Variants in NTM observed in about 807,000 individuals in gnomAD.
NTM encodes IgLON family member 2.
A neutral mutation model predicts 42.1 loss-of-function variants in NTM; 13 were observed. The ratio of observed to expected loss-of-function variants is 0.31; its 90% CI spans 0.20 to 0.49. NTM has a LOEUF of 0.49. Among genes scored for constraint, NTM ranks in the 20% least tolerant of loss-of-function variants. The pLI, the probability that NTM is intolerant of heterozygous loss-of-function variation, is 0.99. For missense variants in NTM, 373 were observed against 452.8 expected (o/e 0.82, Z 1.60); for synonymous variants, 187 against 179.2 (o/e 1.04, Z -0.35).
intron 1 of NTM, among the ~76,000 whole-genome samples, chr11:131,379,498 G>A (rs1942387871): frequency 6.6e-6 from 1 of 152,180 alleles, no homozygotes; most frequent in Non-Finnish European, 1.5e-5. Flanking sequence ...CCTCTTTCTG[G>A]TTTGAGGTCT....
chr11:132,236,842 A>C (rs895902881), intron 4 of NTM, among the ~76,000 whole-genome samples: 1 of 152,184 alleles, frequency 6.6e-6, no homozygotes, highest in Non-Finnish European at 1.5e-5. Flanking sequence ...GTGAGGTGGA[A>C]GGAAGGCTGT....
In NTM at chr11:131,528,690, C is replaced by A. The variant is rs148211576; in HGVS notation, c.82+157802C>A. ...GCTCATTCTTTTTATCTACCGCCTC[C>A]CACAGATCCCAGTACAGAGTAAGTA... is the stretch of plus-strand genomic sequence containing the variant. On this transcript the variant is annotated intron_variant, in intron 1 of 8. Transcript: ENST00000683400. 1.0e-3 allele frequency among the ~76,000 whole-genome samples: 155 copies of A among 152,276 alleles called. 1 individual carries two copies. The highest frequency in any genetic ancestry group is 3.4e-3 in the African/African-American group (142 of 41,560).
At chr11:132,061,667 G>A (rs1211682310) in intron 2 of NTM, among the ~76,000 whole-genome samples, 4 of 152,154 alleles carry the variant, frequency 2.6e-5, no homozygotes, top group African/African-American at 7.2e-5. Context: ...GATAACTCAT[G>A]AGTGGGAAAA....
At chr11:131,434,123 G>T (rs905368702) in intron 1 of NTM, among the ~76,000 whole-genome samples, 4 of 152,186 alleles carry the variant, frequency 2.6e-5, no homozygotes, top group Non-Finnish European at 1.5e-5. Flanking sequence ...CAAAGGACAT[G>T]AACTCATCCT....
intron 1 of NTM, among the ~76,000 whole-genome samples, chr11:131,681,441 ATGTC>A (rs1270555319): frequency 4.4e-4 from 1 of 2,268 alleles, no homozygotes; most frequent in African/African-American, 1.3e-3. Flanking sequence ...CTGTGTCTGT[ATGTC>A]TGTGTGTGTG....
chr11:131,671,526 C>A, intron 1 of NTM: 2 of 980,926 alleles, frequency 2.0e-6, no homozygotes, highest in Non-Finnish European at 2.4e-6. Flanking sequence ...GCTGCCCTCA[C>A]CCTCCTCTGG....
At chr11:131,817,702 TC>T (rs2093007596) in intron 1 of NTM, among the ~76,000 whole-genome samples, 1 of 152,196 alleles carries the variant, frequency 6.6e-6, no homozygotes, top group Non-Finnish European at 1.5e-5. Context: ...TTCCCTCTGC[TC>T]CACCTCCTTC....
intron 1 of NTM, among the ~76,000 whole-genome samples, chr11:131,649,623 C>A (rs1487081840): frequency 6.6e-6 from 1 of 152,142 alleles, no homozygotes; most frequent in African/African-American, 2.4e-5. Flanking sequence ...TCGCCTCGTT[C>A]AGCAGAAACA....
intron 1 of NTM, among the ~76,000 whole-genome samples, chr11:131,755,990 C>G (rs1389102481): frequency 1.3e-5 from 2 of 152,206 alleles, no homozygotes; most frequent in African/African-American, 4.8e-5. Flanking sequence ...ATATCACTGT[C>G]CTAACTTCTG....
chr11:131,726,058 C>T (rs932870330), intron 1 of NTM, among the ~76,000 whole-genome samples: 2 of 152,014 alleles, frequency 1.3e-5, no homozygotes, highest in African/African-American at 2.4e-5. Flanking sequence ...GGACTCCCTC[C>T]CAGAGGAGGT....
intron 4 of NTM, among the ~76,000 whole-genome samples, chr11:132,287,045 A>G (rs1218044671): frequency 6.6e-6 from 1 of 152,194 alleles, no homozygotes; most frequent in African/African-American, 2.4e-5. Context: ...GTGTGTATTT[A>G]TTCTTCAAAA....
rs145278256 is a variant in NTM at position 131,890,166 on chromosome 11, C to G, written c.83-21398C>G. On this transcript the variant is annotated intron_variant, in intron 1 of 8. Transcript: ENST00000683400. ...TCTCTCTCTCTCTCTGTCTCTCTCTCTCTCTCTCTCTGTCTCTCTCTCTCT... is the reference window on the plus strand; with the variant it reads ...TCTCTCTCTCTCTCTGTCTCTCTCTGTCTCTCTCTCTGTCTCTCTCTCTCT... Among the ~76,000 whole-genome samples the G allele has an allele frequency of 8.0e-3, 402 of 50,196 alleles. 2 individuals carry two copies. Among genetic ancestry groups the G allele is most frequent in the African/African-American group, 0.033 (372 of 11,198 alleles). The allele number at this position is 50,196 out of a possible 152,430, so 32.9% of individuals were successfully genotyped here. A position where few individuals can be genotyped will look rare whatever the true frequency, so the allele number is the denominator to read the frequency against.
At chr11:132,066,161 C>T (rs61901976) in intron 2 of NTM, among the ~76,000 whole-genome samples, 13,048 of 152,236 alleles carry the variant, frequency 0.086, 611 homozygotes, top group South Asian at 0.19. Flanking sequence ...CCCTTTTCAG[C>T]ACCATGAATT....
intron 1 of NTM, among the ~76,000 whole-genome samples, chr11:131,651,277 G>T (rs887722746): frequency 9.2e-5 from 14 of 152,152 alleles, no homozygotes; most frequent in African/African-American, 3.1e-4. Flanking sequence ...TTAACACACA[G>T]TAAGCACCAC....
intron 2 of NTM, among the ~76,000 whole-genome samples, chr11:132,102,314 C>T (rs995009591): frequency 6.6e-6 from 1 of 152,178 alleles, no homozygotes; most frequent in African/African-American, 2.4e-5. Context: ...CGTGGTTTTT[C>T]GTTCTGTCTC....
intron 1 of NTM, among the ~76,000 whole-genome samples, chr11:131,500,714 C>T (rs2046702069): frequency 7.1e-6 from 1 of 141,692 alleles, no homozygotes; most frequent in Non-Finnish European, 1.5e-5. Flanking sequence ...AGCTATATCT[C>T]CTAATGCTAT....
intron 1 of NTM, among the ~76,000 whole-genome samples, chr11:131,424,965 C>T (rs1947972712): frequency 6.6e-6 from 1 of 151,118 alleles, no homozygotes; most frequent in South Asian, 2.1e-4. Flanking sequence ...TTGAAACCTC[C>T]GCCTCCTGGG....
chr11:131,988,072 T>C (rs573206864), intron 2 of NTM, among the ~76,000 whole-genome samples: 23 of 152,374 alleles, frequency 1.5e-4, no homozygotes, highest in Middle Eastern at 3.4e-3. Context: ...ATTTGGTGTC[T>C]GTTGAGAGTC....
chr11:132,213,147 A>T (rs1592260265), intron 4 of NTM, among the ~76,000 whole-genome samples: 1 of 152,094 alleles, frequency 6.6e-6, no homozygotes, highest in East Asian at 1.9e-4. Flanking sequence ...TGTGTATGTG[A>T]TTATGTATGT....
Sources: allele counts gnomAD v4.1 joint callset (sites outside exome capture counted in the v4.1 genomes callset), GRCh38; gene constraint gnomAD v4.1.1; transcripts MANE v1.5; gene names NCBI Gene and HGNC (gene_info 2026-07-23, HGNC 2026-07-21).